KLF12: variants seen among roughly 807,000 people sequenced by gnomAD.
KLF12 encodes the protein KLF transcription factor 12, also known as Krueppel-like factor 12.
A neutral mutation model predicts 37.8 loss-of-function variants in KLF12; 9 were observed. That is an observed-to-expected ratio of 0.24 (90% CI 0.14 to 0.42). KLF12 has a LOEUF of 0.42. Ranked by LOEUF, KLF12 falls within the 10% of genes least tolerant of loss-of-function variation. The pLI, the probability that KLF12 is intolerant of heterozygous loss-of-function variation, is 1.00. For synonymous variants in KLF12, 208 were observed against 202.1 expected, an observed-to-expected ratio of 1.03 and a Z score of -0.25; for missense variants, 411 against 516.0, an observed-to-expected ratio of 0.80 and a Z score of 1.97.
chr13:73,735,951 C>CTT (rs542835566), intron 6 of KLF12, among the ~76,000 whole-genome samples: 15,700 of 132,458 alleles, frequency 0.12, 1,000 homozygotes, highest in African/African-American at 0.2. Flanking sequence ...TTCTTTCTTT[C>CTT]TTTTTCTTTT....
chr13:74,263,760 C>G, the KLF12 span, among the ~76,000 whole-genome samples: 1 of 152,150 alleles, frequency 6.6e-6, no homozygotes, highest in East Asian at 1.9e-4. Flanking sequence ...AATAAATTCT[C>G]TCTGTCTATC....
At chr13:73,788,136 C>T (rs1385569250) in intron 5 of KLF12, among the ~76,000 whole-genome samples, 1 of 152,166 alleles carries the variant, frequency 6.6e-6, no homozygotes, top group Non-Finnish European at 1.5e-5. Flanking sequence ...ACTTACTTTT[C>T]ATATGCAAAA....
chr13:73,997,604 C>T (rs1353020815), intron 1 of KLF12, among the ~76,000 whole-genome samples: 2 of 152,168 alleles, frequency 1.3e-5, no homozygotes, highest in African/African-American at 4.8e-5. Flanking sequence ...GAAAATGGCA[C>T]ATTTCCAATA....
At chr13:73,812,360 A>G (rs1173768596) in intron 5 of KLF12, among the ~76,000 whole-genome samples, 3 of 145,320 alleles carry the variant, frequency 2.1e-5, no homozygotes, top group African/African-American at 7.7e-5. Flanking sequence ...GAAATTTTCT[A>G]GGAGTGTAGA....
intron 1 of KLF12, among the ~76,000 whole-genome samples, chr13:74,119,710 C>A (rs1877513783): frequency 6.6e-6 from 1 of 151,796 alleles, no homozygotes; most frequent in African/African-American, 2.4e-5. Context: ...ACTTGTGGGG[C>A]AATACCAAGT....
At chr13:74,247,818 T>C in the KLF12 span, among the ~76,000 whole-genome samples, 2,544 of 152,168 alleles carry the variant, frequency 0.017, 83 homozygotes, top group African/African-American at 0.058. Context: ...GTCCGTGAGA[T>C]GTAACAGTGA....
At chr13:74,281,567 T>C in the KLF12 span, among the ~76,000 whole-genome samples, 1 of 152,360 alleles carries the variant, frequency 6.6e-6, no homozygotes, top group African/African-American at 2.4e-5. Flanking sequence ...AAGCTATAAA[T>C]ACATTTTAAA....
intron 6 of KLF12, among the ~76,000 whole-genome samples, chr13:73,756,066 AGGT>A (rs1879145098): frequency 6.6e-6 from 1 of 152,162 alleles, no homozygotes; most frequent in African/African-American, 2.4e-5. Context: ...CTTTCTTTCA[AGGT>A]GATGCTATGA....
chr13:73,901,526 T>C (rs933876442), intron 3 of KLF12, among the ~76,000 whole-genome samples: 1 of 152,094 alleles, frequency 6.6e-6, no homozygotes, highest in Non-Finnish European at 1.5e-5. Flanking sequence ...GCCCAAATTA[T>C]AGGATTGCTC....
intron 3 of KLF12, among the ~76,000 whole-genome samples, chr13:73,852,871 GTTT>G (rs35471651): frequency 7.3e-6 from 1 of 137,180 alleles, no homozygotes; most frequent in Non-Finnish European, 1.6e-5. Context: ...TTACATTTAT[GTTT>G]TTTTTTTTTT....
At chr13:74,107,550 G>A (rs963424412) in intron 1 of KLF12, among the ~76,000 whole-genome samples, 1 of 152,212 alleles carries the variant, frequency 6.6e-6, no homozygotes, top group Non-Finnish European at 1.5e-5. Context: ...GTGTGTATTT[G>A]TGCGCATGCG....
At chr13:74,044,496 T>A (rs777152721) in intron 1 of KLF12, among the ~76,000 whole-genome samples, 13 of 151,530 alleles carry the variant, frequency 8.6e-5, no homozygotes, top group African/African-American at 2.9e-4. Context: ...TAAAAAAAAA[T>A]GTTTGACATA....
chr13:74,077,415 C>G (rs1389187086), intron 1 of KLF12, among the ~76,000 whole-genome samples: 1 of 152,084 alleles, frequency 6.6e-6, no homozygotes, highest in Admixed American at 6.6e-5. Context: ...TGGCTTCAAC[C>G]TGTAGCAAAA....
At chr13:73,995,120 G>C in intron 1 of KLF12, 67 bp from the exon 2 acceptor site, 1 of 1,042,568 alleles carries the variant, frequency 9.6e-7, no homozygotes, top group Non-Finnish European at 1.4e-6. Context: ...TGCTCCTTTG[G>C]GGAAAAAAAT....
rs184491759 is a variant in KLF12 at position 73,933,830 on chromosome 13, T to A, written c.123+10151A>T. Among the ~76,000 whole-genome samples, 19 of 152,144 alleles carry A rather than the reference T, an allele frequency of 1.2e-4. No individual in the cohort carries two copies. In the East Asian group the frequency reaches 2.1e-3, roughly 17 times the overall value. ...CTCTGGTTCAAAAAATGTTTTTTTTTAAATTCTTAATTGTGGTAAAGAACA... is the reference window on the plus strand; with the variant it reads ...CTCTGGTTCAAAAAATGTTTTTTTTAAAATTCTTAATTGTGGTAAAGAACA... On this transcript the variant is annotated intron_variant, in intron 3 of 7. Transcript: ENST00000377669.
At chr13:74,065,895 A>G (rs1375909061) in intron 1 of KLF12, among the ~76,000 whole-genome samples, 1 of 151,958 alleles carries the variant, frequency 6.6e-6, no homozygotes, top group East Asian at 1.9e-4. Flanking sequence ...CAGAGGTTTT[A>G]TGAAGAAGGG....
At chr13:73,841,644 C>T (rs972134063) in intron 4 of KLF12, among the ~76,000 whole-genome samples, 2 of 152,094 alleles carry the variant, frequency 1.3e-5, no homozygotes, top group Non-Finnish European at 2.9e-5. Flanking sequence ...CTTTAGGGTT[C>T]GGTTTATAAA....
the KLF12 span, among the ~76,000 whole-genome samples, chr13:74,200,121 A>G: frequency 1.6e-4 from 25 of 152,266 alleles, no homozygotes; most frequent in Admixed American, 1.4e-3. Flanking sequence ...GATCATTTGC[A>G]TAATGGCAGA....
Position 73,817,519 on chromosome 13 carries a change from C to T in KLF12, c.671-4232G>A, listed in dbSNP as rs1384447054. ...AACTACAACTACAATTACAGTCAGC[C>T]TACAACAATATTAAATTGAATTAAG... On this transcript the variant is annotated intron_variant, in intron 4 of 7. Coordinates refer to ENST00000377669, the MANE Select transcript of KLF12 (RefSeq NM_007249.5). 4.6e-5 allele frequency among the ~76,000 whole-genome samples: 7 copies of T among 152,212 alleles called. No homozygotes were observed. The East Asian group carries it at 1.4e-3, about 29-fold the overall frequency.
Sources: gnomAD v4.1 joint callset for allele counts (sites outside exome capture counted in the v4.1 genomes callset) on GRCh38, gnomAD v4.1.1 for gene constraint, MANE v1.5 for transcripts, NCBI Gene and HGNC (gene_info 2026-07-23, HGNC 2026-07-21) for gene names.